Variants in AFTPH observed in about 807,000 individuals in gnomAD.
AFTPH encodes the protein aftiphilin protein.
In AFTPH, 7 loss-of-function variants were observed where a neutral mutation model predicts 72.5. The observed-to-expected ratio is 0.10, with a 90% CI of 0.05 to 0.18. AFTPH has a LOEUF of 0.18. AFTPH is among the 10% of genes least tolerant of loss of function. The pLI, the probability that AFTPH is intolerant of heterozygous loss-of-function variation, is 1.00. For synonymous variants in AFTPH, 337 were observed against 370.1 expected (o/e 0.91, Z 1.03); for missense variants, 979 against 1,060.5 (o/e 0.92, Z 1.07).
intron 2 of AFTPH, among the ~76,000 whole-genome samples, chr2:64,561,684 GA>G (rs1012265414): frequency 2.0e-5 from 3 of 148,900 alleles, no homozygotes; most frequent in East Asian, 2.0e-4. Flanking sequence ...CTCTTAAAAA[GA>G]AAAAAAAAAT....
chr2:64,587,728 C>T (rs1443799364), intron 8 of AFTPH, among the ~76,000 whole-genome samples: 1 of 152,196 alleles, frequency 6.6e-6, no homozygotes, highest in African/African-American at 2.4e-5. Context: ...TATATGTGCT[C>T]TTCTCTTTTG....
At chr2:64,579,699 T>C (rs1673051655) in intron 7 of AFTPH, 153 bp downstream of exon 7, 3 of 613,066 alleles carry the variant, frequency 4.9e-6, no homozygotes, top group Admixed American at 3.1e-5. Flanking sequence ...CAGTAATTGC[T>C]CAAGAAACCA....
chr2:64,576,148 T>C (rs961195750), intron 6 of AFTPH, among the ~76,000 whole-genome samples: 1 of 148,730 alleles, frequency 6.7e-6, no homozygotes, highest in Non-Finnish European at 1.5e-5. Flanking sequence ...TACGTGTGTG[T>C]GTGTGTGTAT....
intron 1 of AFTPH, among the ~76,000 whole-genome samples, chr2:64,527,490 G>T (rs1430433280): frequency 1.3e-5 from 2 of 151,554 alleles, no homozygotes; most frequent in Non-Finnish European, 2.9e-5. Context: ...TGAGGCAGGG[G>T]AATCGCTTGA....
intron 8 of AFTPH, among the ~76,000 whole-genome samples, chr2:64,586,548 C>CT (rs1014597243): frequency 7.2e-5 from 11 of 152,118 alleles, no homozygotes; most frequent in African/African-American, 2.7e-4. Flanking sequence ...ACTTTGTGTG[C>CT]TTTTATTCCC....
At chr2:64,556,184 C>G (rs1170427117) in intron 2 of AFTPH, among the ~76,000 whole-genome samples, 1 of 152,116 alleles carries the variant, frequency 6.6e-6, no homozygotes, top group African/African-American at 2.4e-5. Context: ...GATGAAGTGT[C>G]ACCATATTGG....
rs186926968 is a variant in AFTPH at position 64,556,186 on chromosome 2, C to T, written c.1935+2777C>T. On this transcript the variant is annotated intron_variant, in intron 2 of 8. Coordinates refer to ENST00000238856, the Ensembl canonical transcript of AFTPH. Reference sequence around the variant, plus strand: ...TACTTTTATTGGAGATGAAGTGTCACCATATTGGCCAGGCTGGTCTCGAAC... The same window carrying T: ...TACTTTTATTGGAGATGAAGTGTCATCATATTGGCCAGGCTGGTCTCGAAC... Among the ~76,000 whole-genome samples the T allele has an allele frequency of 2.2e-3, 331 of 152,202 alleles. 1 individual carries two copies. The highest frequency in any genetic ancestry group is 6.8e-3 in the Middle Eastern group (2 of 294).
intron 6 of AFTPH, among the ~76,000 whole-genome samples, chr2:64,575,747 A>G (rs57280736): frequency 1.8e-5 from 2 of 109,812 alleles, no homozygotes; most frequent in Admixed American, 9.7e-5. Flanking sequence ...GTGTGTATAT[A>G]TTTTTTTTGG....
At chr2:64,572,013 C>G (rs190311800) in intron 5 of AFTPH, among the ~76,000 whole-genome samples, 16 of 152,102 alleles carry the variant, frequency 1.1e-4, no homozygotes, top group Non-Finnish European at 2.1e-4. Context: ...GTCAGGAGTT[C>G]GAGACCAGCC....
chr2:64,552,079 A>G (rs892485549), exon 2 of AFTPH: 2 of 1,613,942 alleles, frequency 1.2e-6, no homozygotes, highest in Non-Finnish European at 1.7e-6. Flanking sequence ...GATCTGGACA[A>G]TGTAGCTGAT....
At chr2:64,524,677 C>T (rs1013823594) in intron 1 of AFTPH, 65 bp downstream of exon 1, 78 of 393,758 alleles carry the variant, frequency 2.0e-4, no homozygotes, top group Non-Finnish European at 2.2e-4. Context: ...CCAGGCCCGG[C>T]CCAGCAGCCA....
intron 1 of AFTPH, among the ~76,000 whole-genome samples, chr2:64,547,319 G>T (rs1670708873): frequency 6.6e-6 from 1 of 152,248 alleles, no homozygotes; most frequent in African/African-American, 2.4e-5. Context: ...AATTTTGTAG[G>T]CTGTCTCTCA....
chr2:64,527,291 A>C (rs953706241), intron 1 of AFTPH, among the ~76,000 whole-genome samples: 5 of 152,186 alleles, frequency 3.3e-5, no homozygotes, highest in African/African-American at 1.2e-4. Context: ...TGAAATTAAA[A>C]GTTTAAAGGC....
chr2:64,566,004 A>T (rs1179623934), intron 2 of AFTPH, among the ~76,000 whole-genome samples: 1 of 152,244 alleles, frequency 6.6e-6, no homozygotes, highest in Non-Finnish European at 1.5e-5. Flanking sequence ...TCCCATTAAA[A>T]AGATAACAAA....
chr2:64,537,433 T>A (rs1669958294), intron 1 of AFTPH, among the ~76,000 whole-genome samples: 1 of 152,104 alleles, frequency 6.6e-6, no homozygotes. Flanking sequence ...AATAAAAGTT[T>A]AAAAAATTAA....
chr2:64,527,346 C>T (rs958713820), intron 1 of AFTPH, among the ~76,000 whole-genome samples: 3 of 152,022 alleles, frequency 2.0e-5, no homozygotes, highest in East Asian at 1.9e-4. Context: ...TTTGGGAGAC[C>T]GGGGTGGGCA....
At chr2:64,536,439 G>C (rs1322975180) in intron 1 of AFTPH, among the ~76,000 whole-genome samples, 2 of 151,696 alleles carry the variant, frequency 1.3e-5, no homozygotes, top group Non-Finnish European at 2.9e-5. Context: ...GGTAGCACAG[G>C]CCTGTAATCC....
chr2:64,582,876 A>G (rs1167111567), intron 7 of AFTPH, among the ~76,000 whole-genome samples: 1 of 152,236 alleles, frequency 6.6e-6, no homozygotes, highest in Non-Finnish European at 1.5e-5. Context: ...AAGTACAGAA[A>G]TGACCTGATA....
chr2:64,525,180 G>C (rs376347276), intron 1 of AFTPH, among the ~76,000 whole-genome samples: 1 of 152,182 alleles, frequency 6.6e-6, no homozygotes, highest in African/African-American at 2.4e-5. Flanking sequence ...TACCTTTTCT[G>C]CTGTCTTCTT....
Sources: gnomAD v4.1 joint callset for allele counts (sites outside exome capture counted in the v4.1 genomes callset) on GRCh38, gnomAD v4.1.1 for gene constraint, MANE v1.5 for transcripts, NCBI Gene and HGNC (gene_info 2026-07-23, HGNC 2026-07-21) for gene names.